The following PDE4D variants were observed in gnomAD, a reference collection of about 807,000 sequenced individuals.
The protein encoded by PDE4D is phosphodiesterase 4D, also known as 3',5'-cyclic-AMP phosphodiesterase 4D.
Under a neutral mutation model 87.4 loss-of-function variants are expected in PDE4D, and 24 were observed. The observed-to-expected ratio is 0.27, with a 90% CI of 0.20 to 0.39. The LOEUF (loss-of-function observed/expected upper bound fraction) is 0.39. Ranked by LOEUF, PDE4D falls within the 10% of genes least tolerant of loss-of-function variation. The probability of loss-of-function intolerance (pLI) is 1.00; values close to 1 mark genes in which losing one functional copy is unlikely to be tolerated. For synonymous variants in PDE4D, 384 were observed against 383.2 expected (o/e 1.00, Z -0.02); for missense variants, 714 against 1,041.0 (o/e 0.69, Z 4.32).
intron 2 of PDE4D, among the ~76,000 whole-genome samples, chr5:60,010,537 T>G (rs921647456): frequency 6.6e-6 from 1 of 152,128 alleles, no homozygotes; most frequent in African/African-American, 2.4e-5. Flanking sequence ...AGGGGTGGTA[T>G]GTGGTACTGC....
At chr5:60,008,390 ATT>A (rs1764685029) in intron 2 of PDE4D, among the ~76,000 whole-genome samples, 2 of 152,058 alleles carry the variant, frequency 1.3e-5, no homozygotes, top group Non-Finnish European at 2.9e-5. Flanking sequence ...ACATCTACTA[ATT>A]TTGAAACATC....
At chr5:60,301,314 T>C (rs767952660) in intron 1 of PDE4D, among the ~76,000 whole-genome samples, 1 of 152,236 alleles carries the variant, frequency 6.6e-6, no homozygotes, top group Non-Finnish European at 1.5e-5. Flanking sequence ...AGCATGACCA[T>C]TTTCACAATA....
At chr5:59,544,270 C>T (rs1433818057) in intron 1 of PDE4D, among the ~76,000 whole-genome samples, 1 of 152,200 alleles carries the variant, frequency 6.6e-6, no homozygotes, top group African/African-American at 2.4e-5. Flanking sequence ...TAGTTCTACC[C>T]ATGCCAGAGG....
At chr5:60,479,797 C>T (rs1222617035) in intron 1 of PDE4D, among the ~76,000 whole-genome samples, 1 of 152,098 alleles carries the variant, frequency 6.6e-6, no homozygotes, top group Non-Finnish European at 1.5e-5. Flanking sequence ...GTTTGCCAAC[C>T]CTTGCTCTAA....
At chr5:59,461,626 T>G (rs1479194070) in intron 1 of PDE4D, among the ~76,000 whole-genome samples, 1 of 152,208 alleles carries the variant, frequency 6.6e-6, no homozygotes, top group Non-Finnish European at 1.5e-5. Flanking sequence ...TCATAATTTT[T>G]CCCCAGGAGT....
intron 1 of PDE4D, among the ~76,000 whole-genome samples, chr5:59,248,905 C>T (rs546836325): frequency 2.6e-5 from 4 of 151,814 alleles, no homozygotes; most frequent in Admixed American, 1.3e-4. Flanking sequence ...ATCACAAATA[C>T]GGAAAATGTA....
At chr5:59,909,458 C>CA (rs1265089865) in intron 3 of PDE4D, among the ~76,000 whole-genome samples, 1 of 151,892 alleles carries the variant, frequency 6.6e-6, no homozygotes, top group Non-Finnish European at 1.5e-5. Flanking sequence ...TGCCCTGGCG[C>CA]AATCATGGCT....
At chr5:60,015,517 C>G (rs1765421670) in intron 2 of PDE4D, among the ~76,000 whole-genome samples, 1 of 152,156 alleles carries the variant, frequency 6.6e-6, no homozygotes, top group African/African-American at 2.4e-5. Flanking sequence ...GCCCAAGCTT[C>G]TTTGGGCTAA....
chr5:59,880,752 A>G (rs1253583440), intron 1 of PDE4D, among the ~76,000 whole-genome samples: 1 of 152,230 alleles, frequency 6.6e-6, no homozygotes, highest in African/African-American at 2.4e-5. Context: ...GTAAATGGCA[A>G]TGCACTTGAG....
At chr5:59,328,168 T>C (rs1038637755) in intron 1 of PDE4D, among the ~76,000 whole-genome samples, 68 of 152,140 alleles carry the variant, frequency 4.5e-4, no homozygotes, top group African/African-American at 1.6e-3. Flanking sequence ...AGTGGTTAAT[T>C]ATATAGACTC....
chr5:60,286,494 AG>A (rs11308624), intron 1 of PDE4D, among the ~76,000 whole-genome samples: 8,514 of 152,232 alleles, frequency 0.056, 800 homozygotes, highest in African/African-American at 0.2. Flanking sequence ...GTGTCAGAAT[AG>A]CTGCAAATGA....
chr5:60,146,649 A>G (rs538330412), intron 2 of PDE4D, among the ~76,000 whole-genome samples: 1 of 152,372 alleles, frequency 6.6e-6, no homozygotes, highest in South Asian at 2.1e-4. Context: ...CTAAAAGCTT[A>G]CATCTGCACC....
intron 1 of PDE4D, among the ~76,000 whole-genome samples, chr5:59,383,047 A>G (rs1450209359): frequency 6.6e-6 from 1 of 152,212 alleles, no homozygotes; most frequent in Non-Finnish European, 1.5e-5. Flanking sequence ...TAATGGATAG[A>G]AAAGTAACAA....
chr5:59,344,123 C>T (rs923890279), intron 1 of PDE4D, among the ~76,000 whole-genome samples: 9 of 152,146 alleles, frequency 5.9e-5, no homozygotes, highest in Non-Finnish European at 1.0e-4. Context: ...ATACAAGATA[C>T]TAAACGTTTT....
intron 1 of PDE4D, among the ~76,000 whole-genome samples, chr5:59,610,206 C>T (rs1828806673): frequency 6.6e-6 from 1 of 152,130 alleles, no homozygotes; most frequent in South Asian, 2.1e-4. Flanking sequence ...TTGCAAGGCA[C>T]CCCCCAGAGT....
At chr5:59,545,730 T>C (rs2153685685) in intron 1 of PDE4D, among the ~76,000 whole-genome samples, 1 of 152,288 alleles carries the variant, frequency 6.6e-6, no homozygotes. Context: ...CATGAAAAAT[T>C]CTAGTTTGCC....
chr5:60,396,702 T>C lies in PDE4D; in HGVS notation c.-90+91240A>G, dbSNP rs76278723. ...GCCACCATAACAGGTCTGACTCCTA[T>C]TCAAGGCTGGAGATTTTGCCCCCAG... On this transcript the variant is annotated intron_variant, in intron 1 of 16. Transcript: ENST00000502484. Among the ~76,000 whole-genome samples the C allele has an allele frequency of 5.6e-3, 848 of 152,202 alleles. 12 individuals carry two copies. The highest frequency in any genetic ancestry group is 0.02 in the African/African-American group (823 of 41,528).
chr5:60,080,825 T>G (rs548444686), intron 2 of PDE4D, among the ~76,000 whole-genome samples: 1 of 152,336 alleles, frequency 6.6e-6, no homozygotes, highest in Admixed American at 6.5e-5. Flanking sequence ...ATCAGGGATA[T>G]TGGCCTGAAG....
chr5:59,148,503 TCAAA>T (rs1266083267), intron 5 of PDE4D, among the ~76,000 whole-genome samples: 4 of 152,220 alleles, frequency 2.6e-5, no homozygotes, highest in African/African-American at 9.6e-5. Flanking sequence ...GATCCACACC[TCAAA>T]CAGTGTGGAG....
Sources: allele counts gnomAD v4.1 joint callset (sites outside exome capture counted in the v4.1 genomes callset), GRCh38; gene constraint gnomAD v4.1.1; transcripts MANE v1.5; gene names NCBI Gene and HGNC (gene_info 2026-07-23, HGNC 2026-07-21).